Variants in SOX5 observed in about 807,000 individuals in gnomAD.
The protein encoded by SOX5 is transcription factor SOX-5.
Under a neutral mutation model 92.0 loss-of-function variants are expected in SOX5, and 9 were observed. The observed-to-expected ratio is 0.10, with a 90% CI of 0.06 to 0.17. The LOEUF (loss-of-function observed/expected upper bound fraction) is 0.17, where lower values mean the gene tolerates loss of function less well. Among genes scored for constraint, SOX5 ranks in the 10% least tolerant of loss-of-function variants. The probability of loss-of-function intolerance (pLI) is 1.00; values close to 1 mark genes in which losing one functional copy is unlikely to be tolerated. For missense variants in SOX5, 642 were observed against 944.5 expected (o/e 0.68, Z 4.20); for synonymous variants, 344 against 336.3 (o/e 1.02, Z -0.25).
intron 10 of SOX5, among the ~76,000 whole-genome samples, chr12:23,564,731 G>A (rs1471371705): frequency 2.0e-5 from 3 of 152,216 alleles, no homozygotes; most frequent in African/African-American, 7.2e-5. Context: ...TGTTAGGAAA[G>A]TGTTATTAAT....
chr12:24,087,378 GATT>G (rs1460559163), intron 4 of SOX5, among the ~76,000 whole-genome samples: 4 of 150,584 alleles, frequency 2.7e-5, no homozygotes, highest in East Asian at 3.9e-4. Flanking sequence ...AATAATAATT[GATT>G]ATGTCTCTTA....
intron 9 of SOX5, among the ~76,000 whole-genome samples, chr12:23,596,356 A>G (rs1446878673): frequency 6.6e-6 from 1 of 152,224 alleles, no homozygotes; most frequent in African/African-American, 2.4e-5. Flanking sequence ...CATCAACCTA[A>G]ATAAGACATC....
intron 1 of SOX5, among the ~76,000 whole-genome samples, chr12:23,942,878 G>GT (rs1186205909): frequency 6.6e-6 from 1 of 152,084 alleles, no homozygotes; most frequent in African/African-American, 2.4e-5. Flanking sequence ...CATATCTTCT[G>GT]TTTTTTAACA....
At chr12:24,496,141 G>A (rs961605333) in intron 1 of SOX5, among the ~76,000 whole-genome samples, 4 of 152,146 alleles carry the variant, frequency 2.6e-5, no homozygotes, top group Non-Finnish European at 4.4e-5. Context: ...GGTTGAAGGG[G>A]TGGAATTCCA....
At chr12:24,004,903 T>C (rs1951989271) in intron 4 of SOX5, among the ~76,000 whole-genome samples, 1 of 152,150 alleles carries the variant, frequency 6.6e-6, no homozygotes, top group African/African-American at 2.4e-5. Flanking sequence ...ACAAAATGTT[T>C]ATCCATTAAT....
At chr12:23,872,084 G>A (rs1340926157) in intron 2 of SOX5, among the ~76,000 whole-genome samples, 4 of 145,910 alleles carry the variant, frequency 2.7e-5, no homozygotes, top group East Asian at 2.0e-4. Context: ...TGCAAGCTCC[G>A]CCTCCCGGGT....
chr12:23,867,403 T>C lies in SOX5; in HGVS notation c.271-21210A>G, dbSNP rs533200456. ...TAAGCAAAAATCACACTTTTGATCTTAGGCAAGTCTCTTATCCTGTCTGAA... is the reference window on the plus strand; with the variant it reads ...TAAGCAAAAATCACACTTTTGATCTCAGGCAAGTCTCTTATCCTGTCTGAA... On this transcript the variant is annotated intron_variant, in intron 2 of 14. Transcript: ENST00000451604. Among the ~76,000 whole-genome samples the C allele has an allele frequency of 2.6e-5, 4 of 152,270 alleles. No homozygotes were observed. In the East Asian group the frequency reaches 5.8e-4, roughly 22 times the overall value.
intron 4 of SOX5, among the ~76,000 whole-genome samples, chr12:24,136,031 G>A (rs533668347): frequency 2.6e-5 from 4 of 152,236 alleles, no homozygotes; most frequent in South Asian, 2.1e-4. Context: ...GTGAGGGATC[G>A]GCAAGATAGA....
intron 2 of SOX5, among the ~76,000 whole-genome samples, chr12:24,326,560 C>T (rs472100): frequency 0.12 from 17,877 of 152,050 alleles, 1,403 homozygotes; most frequent in Non-Finnish European, 0.17. Context: ...GGTTATGAAG[C>T]GGTGCTGTGC....
intron 4 of SOX5, among the ~76,000 whole-genome samples, chr12:24,024,872 T>C (rs1214455846): frequency 6.6e-6 from 1 of 151,924 alleles, no homozygotes; most frequent in East Asian, 1.9e-4. Flanking sequence ...CCAAGTAGAG[T>C]AAGACTGATA....
chr12:23,665,631 C>T, intron 6 of SOX5, 67 bp from the exon 7 acceptor site: 1 of 1,505,624 alleles, frequency 6.6e-7, no homozygotes, highest in Middle Eastern at 1.8e-4. Flanking sequence ...TCCCACCCTC[C>T]TTATTTCATG....
At chr12:24,253,499 C>A (rs55749414) in intron 3 of SOX5, among the ~76,000 whole-genome samples, 1 of 152,150 alleles carries the variant, frequency 6.6e-6, no homozygotes, top group African/African-American at 2.4e-5. Context: ...TTTTCAGTGT[C>A]TTTAAAGCAA....
At chr12:24,296,874 A>T (rs925776777) in intron 2 of SOX5, among the ~76,000 whole-genome samples, 4 of 151,258 alleles carry the variant, frequency 2.6e-5, no homozygotes, top group African/African-American at 9.7e-5. Flanking sequence ...ATTTCTTAGT[A>T]TAGTTTCTGC....
At chr12:24,388,222 C>T (rs67471676) in intron 1 of SOX5, among the ~76,000 whole-genome samples, 41,675 of 152,086 alleles carry the variant, frequency 0.27, 5,903 homozygotes, top group East Asian at 0.45. Flanking sequence ...CTACTGGTCT[C>T]AGTTTTGGAG....
chr12:24,030,134 T>C (rs950034892), intron 4 of SOX5, among the ~76,000 whole-genome samples: 3 of 151,950 alleles, frequency 2.0e-5, no homozygotes, highest in Non-Finnish European at 4.4e-5. Context: ...CTCTAGAAAG[T>C]ATGCTCTTTG....
chr12:23,996,794 A>C (rs1951074077), intron 4 of SOX5, among the ~76,000 whole-genome samples: 1 of 152,204 alleles, frequency 6.6e-6, no homozygotes, highest in Admixed American at 6.5e-5. Flanking sequence ...GGCAAAAAGC[A>C]GGTTTGTGTT....
intron 4 of SOX5, among the ~76,000 whole-genome samples, chr12:24,042,265 C>A (rs956239318): frequency 6.6e-6 from 1 of 151,962 alleles, no homozygotes; most frequent in Non-Finnish European, 1.5e-5. Context: ...AATAAATACG[C>A]ATTAACTTTA....
chr12:24,304,909 C>T (rs1047480064), intron 2 of SOX5, among the ~76,000 whole-genome samples: 1 of 152,168 alleles, frequency 6.6e-6, no homozygotes, highest in Non-Finnish European at 1.5e-5. Flanking sequence ...ATTTCCAATA[C>T]CGCTGACTTA....
At chr12:24,333,626 G>A (rs1417268025) in intron 2 of SOX5, among the ~76,000 whole-genome samples, 1 of 151,930 alleles carries the variant, frequency 6.6e-6, no homozygotes, top group Non-Finnish European at 1.5e-5. Flanking sequence ...AAAAATAGAA[G>A]TATGTAATTC....
Sources: gnomAD v4.1 joint callset for allele counts (sites outside exome capture counted in the v4.1 genomes callset) on GRCh38, gnomAD v4.1.1 for gene constraint, MANE v1.5 for transcripts, NCBI Gene and HGNC (gene_info 2026-07-23, HGNC 2026-07-21) for gene names.